Variants in LRRIQ3 observed in about 807,000 individuals in gnomAD.
LRRIQ3 encodes the protein leucine rich repeats and IQ motif containing 3.
In LRRIQ3, 75 loss-of-function variants were observed where a neutral mutation model predicts 59.3. That is an observed-to-expected ratio of 1.26 (90% CI 1.05 to 1.53). LRRIQ3 has a LOEUF of 1.53. Among genes scored for constraint, LRRIQ3 ranks in the 40% most tolerant of loss-of-function variants. The pLI, the probability that LRRIQ3 is intolerant of heterozygous loss-of-function variation, is 0.00. For synonymous variants in LRRIQ3, 250 were observed against 231.3 expected, an observed-to-expected ratio of 1.08 and a Z score of -0.73; for missense variants, 831 against 710.0, an observed-to-expected ratio of 1.17 and a Z score of -1.94.
intron 1 of LRRIQ3, among the ~76,000 whole-genome samples, chr1:74,195,644 A>C (rs1651066965): frequency 6.6e-6 from 1 of 152,212 alleles, no homozygotes; most frequent in Admixed American, 6.5e-5. Flanking sequence ...GCCTCCACAG[A>C]ATATAATTTT....
At chr1:74,121,600 T>A (rs1415099518) in intron 4 of LRRIQ3, among the ~76,000 whole-genome samples, 1 of 152,210 alleles carries the variant, frequency 6.6e-6, no homozygotes, top group South Asian at 2.1e-4. Context: ...TTTTTAATTA[T>A]ACTTTAAGTT....
chr1:74,037,320 A>T (rs1431606340), intron 7 of LRRIQ3, among the ~76,000 whole-genome samples: 1 of 152,282 alleles, frequency 6.6e-6, no homozygotes, highest in Admixed American at 6.5e-5. Flanking sequence ...TGCACTGGCA[A>T]CTGAGGTATG....
At chr1:74,058,897 C>T (rs1337061319) in intron 6 of LRRIQ3, among the ~76,000 whole-genome samples, 1 of 152,016 alleles carries the variant, frequency 6.6e-6, no homozygotes, top group Non-Finnish European at 1.5e-5. Context: ...TATCATTTTA[C>T]ATCCAGCAAT....
At chr1:74,167,407 G>A (rs1267678347) in intron 3 of LRRIQ3, among the ~76,000 whole-genome samples, 3 of 151,590 alleles carry the variant, frequency 2.0e-5, no homozygotes, top group Admixed American at 6.6e-5. Context: ...TAAGCTATGA[G>A]GACTCAAAGG....
chr1:74,155,750 T>G lies in LRRIQ3; in HGVS notation c.690A>C (p.Leu230Phe). 1 of 1,570,664 alleles carries G rather than the reference T, an allele frequency of 6.4e-7. No individual in the cohort carries two copies. The highest frequency in any genetic ancestry group is 8.6e-7 in the Non-Finnish European group (1 of 1,166,768). Residue 230 changes from leucine (L) to phenylalanine (F), a missense_variant, in exon 4 of 8, where the codon TTA (leucine) becomes TTC (phenylalanine). Leu to Phe is a conservative substitution (Grantham distance 22). Coordinates refer to ENST00000354431, the MANE Select transcript of LRRIQ3 (RefSeq NM_001105659.2). ...LIVQRWIRGF[L>F]VRKNLSPVFF... Reference sequence around the variant, plus strand: ...AAACATACCTCAAATTTTTTCTAACTAAGAAACCACGTATCCATCTTTGAA... The same window carrying G: ...AAACATACCTCAAATTTTTTCTAACGAAGAAACCACGTATCCATCTTTGAA...
intron 7 of LRRIQ3, among the ~76,000 whole-genome samples, chr1:74,037,726 G>C (rs979658412): frequency 2.0e-5 from 3 of 152,176 alleles, no homozygotes; most frequent in Non-Finnish European, 2.9e-5. Flanking sequence ...GGAAGGAAGA[G>C]CAGTGTGCTG....
chr1:74,149,406 G>C (rs1236048745), intron 4 of LRRIQ3, among the ~76,000 whole-genome samples: 3 of 152,056 alleles, frequency 2.0e-5, no homozygotes, highest in African/African-American at 7.2e-5. Flanking sequence ...CTTGAAAATT[G>C]TGTTTCTTCA....
intron 1 of LRRIQ3, among the ~76,000 whole-genome samples, chr1:74,187,319 G>GAGATATAT (rs1366745106): frequency 1.3e-5 from 2 of 150,070 alleles, no homozygotes; most frequent in African/African-American, 4.9e-5. Context: ...AAATGTGAGA[G>GAGATATAT]AGATATATAG....
intron 1 of LRRIQ3, among the ~76,000 whole-genome samples, chr1:74,188,648 C>T (rs915815562): frequency 6.6e-6 from 1 of 151,768 alleles, no homozygotes; most frequent in African/African-American, 2.4e-5. Context: ...TTATATGTAC[C>T]CTGTGAACAG....
intron 4 of LRRIQ3, among the ~76,000 whole-genome samples, chr1:74,136,160 C>T (rs1438461395): frequency 4.6e-5 from 7 of 151,834 alleles, no homozygotes; most frequent in Non-Finnish European, 1.0e-4. Context: ...TTAAAAGACA[C>T]TAATTACCAA....
intron 1 of LRRIQ3, among the ~76,000 whole-genome samples, chr1:74,191,632 C>A (rs1046220025): frequency 6.6e-6 from 1 of 152,130 alleles, no homozygotes; most frequent in African/African-American, 2.4e-5. Flanking sequence ...ATATCAATAA[C>A]AGGCAAACAG....
At chr1:74,076,687 T>C (rs1283902989) in intron 5 of LRRIQ3, among the ~76,000 whole-genome samples, 1 of 152,098 alleles carries the variant, frequency 6.6e-6, no homozygotes, top group Non-Finnish European at 1.5e-5. Flanking sequence ...GTTTCTATTA[T>C]TTAAATTTTA....
intron 4 of LRRIQ3, among the ~76,000 whole-genome samples, chr1:74,145,261 A>ATC (rs1647496541): frequency 6.6e-6 from 1 of 152,174 alleles, no homozygotes; most frequent in African/African-American, 2.4e-5. Context: ...CACAAGGACA[A>ATC]CAAAAGGGTA....
At chr1:74,060,550 CTA>C (rs1654693288) in intron 6 of LRRIQ3, among the ~76,000 whole-genome samples, 1 of 151,996 alleles carries the variant, frequency 6.6e-6, no homozygotes, top group Non-Finnish European at 1.5e-5. Context: ...ACTTACCTAT[CTA>C]TATTTTCTAA....
intron 4 of LRRIQ3, among the ~76,000 whole-genome samples, chr1:74,110,159 C>A (rs538141028): frequency 1.5e-4 from 22 of 151,710 alleles, no homozygotes; most frequent in Non-Finnish European, 2.7e-4. Context: ...TACAAGCTAA[C>A]ATCATACTCA....
intron 4 of LRRIQ3, among the ~76,000 whole-genome samples, chr1:74,110,495 A>T (rs1037792916): frequency 3.9e-5 from 6 of 152,084 alleles, no homozygotes; most frequent in Non-Finnish European, 8.8e-5. Flanking sequence ...CCTATTTTAT[A>T]GAAAAATCTT....
chr1:74,144,839 T>TACAC (rs373958318), intron 4 of LRRIQ3, among the ~76,000 whole-genome samples: 16 of 149,058 alleles, frequency 1.1e-4, no homozygotes, highest in South Asian at 2.1e-4. Context: ...CATGTATGTG[T>TACAC]ACACACACAC....
intron 5 of LRRIQ3, among the ~76,000 whole-genome samples, chr1:74,107,525 A>T (rs1453301404): frequency 1.3e-5 from 2 of 150,794 alleles, no homozygotes; most frequent in Non-Finnish European, 3.0e-5. Flanking sequence ...TACAAGATAA[A>T]AGAATAATAA....
intron 4 of LRRIQ3, among the ~76,000 whole-genome samples, chr1:74,139,432 C>G (rs897692672): frequency 2.6e-5 from 4 of 151,782 alleles, no homozygotes; most frequent in Non-Finnish European, 5.9e-5. Flanking sequence ...CCATAACAAC[C>G]ACTACCCATT....
Sources: gnomAD v4.1 joint callset for allele counts (sites outside exome capture counted in the v4.1 genomes callset) on GRCh38, gnomAD v4.1.1 for gene constraint, MANE v1.5 for transcripts, NCBI Gene and HGNC (gene_info 2026-07-23, HGNC 2026-07-21) for gene names.